The following FSTL4 variants were observed in gnomAD, a reference collection of about 807,000 sequenced individuals.
FSTL4 encodes follistatin-related protein 4.
In FSTL4, 28 loss-of-function variants were observed where a neutral mutation model predicts 78.2. The ratio of observed to expected loss-of-function variants is 0.36; its 90% CI spans 0.27 to 0.49. FSTL4 has a LOEUF of 0.49. Among genes scored for constraint, FSTL4 ranks in the 20% least tolerant of loss-of-function variants. The probability of loss-of-function intolerance (pLI) is 0.98; values close to 1 mark genes in which losing one functional copy is unlikely to be tolerated. For missense variants in FSTL4, 922 were observed against 1,084.9 expected (o/e 0.85, Z 2.11); for synonymous variants, 422 against 440.5 (o/e 0.96, Z 0.53).
At chr5:133,296,375 G>A (rs1753396452) in intron 6 of FSTL4, among the ~76,000 whole-genome samples, 1 of 152,198 alleles carries the variant, frequency 6.6e-6, no homozygotes. Flanking sequence ...AGCAGCCAAA[G>A]TGCTTCCTTT....
the FSTL4 span, among the ~76,000 whole-genome samples, chr5:133,649,928 C>CA: frequency 0.24 from 34,378 of 146,228 alleles, 4,020 homozygotes; most frequent in East Asian, 0.46. Flanking sequence ...TAATTTATCA[C>CA]AAAAAAAAAA....
chr5:133,593,927 A>G (rs1215803342), intron 2 of FSTL4, among the ~76,000 whole-genome samples: 1 of 150,508 alleles, frequency 6.6e-6, no homozygotes. Context: ...TCAAGCCTCA[A>G]GGATAGAATC....
chr5:133,541,547 G>A (rs1311406344), intron 3 of FSTL4, among the ~76,000 whole-genome samples: 1 of 152,168 alleles, frequency 6.6e-6, no homozygotes, highest in Non-Finnish European at 1.5e-5. Context: ...CAAGAGGAGG[G>A]TCAAAGACAC....
the FSTL4 span, among the ~76,000 whole-genome samples, chr5:133,626,169 A>ATG: frequency 1.4e-4 from 1 of 7,094 alleles, no homozygotes; most frequent in African/African-American, 3.6e-4. Context: ...CCATATATAT[A>ATG]TATTCCATAT....
At chr5:133,832,364 G>A in the FSTL4 span, among the ~76,000 whole-genome samples, 2 of 152,176 alleles carry the variant, frequency 1.3e-5, no homozygotes, top group African/African-American at 2.4e-5. Context: ...TGCTCATTGG[G>A]TTGCTTATAA....
chr5:133,789,434 G>T, the FSTL4 span, among the ~76,000 whole-genome samples: 1 of 152,188 alleles, frequency 6.6e-6, no homozygotes, highest in Non-Finnish European at 1.5e-5. Context: ...CTACAAGGAA[G>T]CTAATCACTA....
chr5:133,290,718 G>A (rs754011854), intron 6 of FSTL4, among the ~76,000 whole-genome samples: 4 of 152,228 alleles, frequency 2.6e-5, no homozygotes, highest in African/African-American at 4.8e-5. Context: ...CTCTTGGATG[G>A]CTCTAAGCAC....
intron 2 of FSTL4, among the ~76,000 whole-genome samples, chr5:133,569,080 T>C (rs1188015715): frequency 6.6e-6 from 1 of 152,194 alleles, no homozygotes; most frequent in East Asian, 1.9e-4. Context: ...GTTTGTATAT[T>C]TGATGGCAAT....
chr5:133,692,615 G>T, the FSTL4 span, among the ~76,000 whole-genome samples: 1 of 152,212 alleles, frequency 6.6e-6, no homozygotes. Context: ...TGGGGGCTCT[G>T]CCCTCTCCAG....
At chr5:133,646,849 C>T in the FSTL4 span, among the ~76,000 whole-genome samples, 1 of 151,960 alleles carries the variant, frequency 6.6e-6, no homozygotes, top group African/African-American at 2.4e-5. Flanking sequence ...CCCCACAATC[C>T]CTTTACATTT....
chr5:133,634,720 C>A, the FSTL4 span, among the ~76,000 whole-genome samples: 1 of 152,172 alleles, frequency 6.6e-6, no homozygotes, highest in Non-Finnish European at 1.5e-5. Flanking sequence ...GGTACTTACA[C>A]AGATGACATC....
rs773725108 is a variant in FSTL4 at position 133,210,314 on chromosome 5, T to A, written c.1609-16A>T. 1.4e-6 allele frequency: 2 copies of A among 1,391,370 alleles called. No individual in the cohort carries two copies. Among genetic ancestry groups the A allele is most frequent in the East Asian group, 4.6e-5 (2 of 43,920 alleles). 86.2% of individuals were successfully genotyped at this position (1,391,370 alleles called of 1,614,324 possible). ...CACCTATGGACTTGAAAAAAAATAG[T>A]GACATGTTGTGAAAGCTGACATGAT... On this transcript the variant is annotated splice_polypyrimidine_tract_variant and intron_variant, in intron 13 of 15. Transcript: ENST00000265342.
chr5:133,305,324 T>C (rs1307261012), intron 6 of FSTL4, among the ~76,000 whole-genome samples: 2 of 152,192 alleles, frequency 1.3e-5, no homozygotes, highest in South Asian at 2.1e-4. Flanking sequence ...CCCTGGCCTC[T>C]GAGTCTGAGT....
At chr5:133,689,861 G>A in the FSTL4 span, among the ~76,000 whole-genome samples, 2 of 152,084 alleles carry the variant, frequency 1.3e-5, no homozygotes, top group Non-Finnish European at 2.9e-5. Flanking sequence ...AGGTGTTCGA[G>A]ACCAGCCTGA....
At chr5:133,463,181 T>A (rs1561726766) in intron 3 of FSTL4, among the ~76,000 whole-genome samples, 1 of 152,222 alleles carries the variant, frequency 6.6e-6, no homozygotes, top group Non-Finnish European at 1.5e-5. Flanking sequence ...GAGTACCTGG[T>A]GACAGAGATT....
At chr5:133,518,861 A>G (rs1292700134) in intron 3 of FSTL4, among the ~76,000 whole-genome samples, 1 of 152,082 alleles carries the variant, frequency 6.6e-6, no homozygotes, top group East Asian at 1.9e-4. Context: ...TAATTGGGGG[A>G]AAAATTTAAA....
intron 4 of FSTL4, among the ~76,000 whole-genome samples, chr5:133,332,294 C>G (rs1053637074): frequency 5.9e-5 from 9 of 152,204 alleles, no homozygotes; most frequent in Non-Finnish European, 1.3e-4. Flanking sequence ...TCACACACTG[C>G]GCAATGACTC....
intron 3 of FSTL4, among the ~76,000 whole-genome samples, chr5:133,524,852 C>T (rs1173853111): frequency 6.6e-6 from 1 of 152,228 alleles, no homozygotes; most frequent in East Asian, 1.9e-4. Context: ...CACTCAGATG[C>T]ACTGGCAGAT....
intron 4 of FSTL4, among the ~76,000 whole-genome samples, chr5:133,375,300 A>ATGTATGTGTGTG (rs1554109202): frequency 7.6e-6 from 1 of 131,680 alleles, no homozygotes; most frequent in African/African-American, 2.6e-5. Context: ...GCATATATAT[A>ATGTATGTGTGTG]TATATATATA....
Sources: allele counts gnomAD v4.1 joint callset (sites outside exome capture counted in the v4.1 genomes callset), GRCh38; gene constraint gnomAD v4.1.1; transcripts MANE v1.5; gene names NCBI Gene and HGNC (gene_info 2026-07-23, HGNC 2026-07-21).